WSCD2: variants seen among roughly 807,000 people sequenced by gnomAD.
WSCD2 encodes sialate:O-sulfotransferase 2.
A neutral mutation model predicts 55.7 loss-of-function variants in WSCD2; 28 were observed. The ratio of observed to expected loss-of-function variants is 0.50; its 90% CI spans 0.37 to 0.69. The LOEUF is 0.69. WSCD2 is among the 30% of genes least tolerant of loss of function. WSCD2 has a pLI of 0.00. For synonymous variants in WSCD2, 301 were observed against 301.9 expected (o/e 1.00, Z 0.03); for missense variants, 616 against 762.1 (o/e 0.81, Z 2.26).
chr12:108,239,661 T>A (rs1482039282), intron 7 of WSCD2, among the ~76,000 whole-genome samples: 1 of 152,178 alleles, frequency 6.6e-6, no homozygotes, highest in African/African-American at 2.4e-5. Context: ...CAAAGAGCAA[T>A]CACCCAGTAT....
chr12:108,198,480 T>C (rs1221383278), intron 2 of WSCD2, among the ~76,000 whole-genome samples: 2 of 152,316 alleles, frequency 1.3e-5, no homozygotes, highest in Middle Eastern at 3.4e-3. Flanking sequence ...CAATTGTGTA[T>C]GTTTGTCCAT....
chr12:108,244,170 C>T (rs958112712), intron 8 of WSCD2, among the ~76,000 whole-genome samples: 4 of 152,294 alleles, frequency 2.6e-5, no homozygotes, highest in African/African-American at 4.8e-5. Flanking sequence ...ATGACAGTTC[C>T]GGTGGAACCA....
At chr12:108,222,671 T>A (rs1195473951) in intron 4 of WSCD2, among the ~76,000 whole-genome samples, 1 of 152,218 alleles carries the variant, frequency 6.6e-6, no homozygotes, top group Non-Finnish European at 1.5e-5. Context: ...AAAATTTTTT[T>A]TAATAGAGAT....
At chr12:108,215,267 G>T (rs915059868) in intron 4 of WSCD2, among the ~76,000 whole-genome samples, 2 of 152,128 alleles carry the variant, frequency 1.3e-5, no homozygotes, top group Non-Finnish European at 2.9e-5. Context: ...GCAGGTTTTG[G>T]AATCAGGCAT....
intron 4 of WSCD2, among the ~76,000 whole-genome samples, chr12:108,213,709 GC>G (rs1886498128): frequency 6.6e-6 from 1 of 152,202 alleles, no homozygotes; most frequent in Non-Finnish European, 1.5e-5. Flanking sequence ...GGTGCCTATT[GC>G]AGGAAATGAC....
rs565107240 is a variant in WSCD2, at chr12:108,202,372, C to T, written c.383-3917C>T. On this transcript the variant is annotated intron_variant, in intron 2 of 8. Coordinates refer to ENST00000547525, the MANE Select transcript of WSCD2 (RefSeq NM_014653.4). ...TTAATAAAGGACCATGTATCTTCCT[C>T]TCCCTCCTGTTGACAGATAAGGAAA... Among the ~76,000 whole-genome samples the T allele has an allele frequency of 2.0e-5, 3 of 152,304 alleles. No individual in the cohort carries two copies. The South Asian group carries it at 6.2e-4, about 32-fold the overall frequency.
chr12:108,217,988 A>G (rs1380284196), intron 4 of WSCD2, among the ~76,000 whole-genome samples: 2 of 152,176 alleles, frequency 1.3e-5, no homozygotes, highest in Non-Finnish European at 2.9e-5. Context: ...GGCTGGAAGA[A>G]ATCACATGGA....
At chr12:108,190,098 G>A (rs140852794) in intron 1 of WSCD2, among the ~76,000 whole-genome samples, 1,843 of 152,224 alleles carry the variant, frequency 0.012, 34 homozygotes, top group African/African-American at 0.041. Flanking sequence ...CTCTATAGAT[G>A]GGGAAACTGA....
chr12:108,218,712 C>T (rs1040886696), intron 4 of WSCD2, among the ~76,000 whole-genome samples: 27 of 152,208 alleles, frequency 1.8e-4, no homozygotes, highest in African/African-American at 6.3e-4. Flanking sequence ...CCACCCTGGG[C>T]TTGCTTCAGC....
chr12:108,201,208 G>T (rs578037087), intron 2 of WSCD2, among the ~76,000 whole-genome samples: 1 of 152,110 alleles, frequency 6.6e-6, no homozygotes, highest in African/African-American at 2.4e-5. Context: ...ACTCTCAAAG[G>T]CTCAAAGGGA....
intron 1 of WSCD2, among the ~76,000 whole-genome samples, chr12:108,173,181 C>T (rs1394077469): frequency 1.3e-5 from 2 of 152,182 alleles, no homozygotes; most frequent in African/African-American, 4.8e-5. Context: ...ACCCTTGCTG[C>T]TGCTTCACTA....
intron 2 of WSCD2, among the ~76,000 whole-genome samples, chr12:108,205,444 T>C (rs926882298): frequency 8.5e-5 from 13 of 152,202 alleles, no homozygotes; most frequent in African/African-American, 3.1e-4. Flanking sequence ...CATTATAAAC[T>C]GTGAAGTGCT....
chr12:108,226,822 C>A (rs755893540), intron 5 of WSCD2, among the ~76,000 whole-genome samples, 168 bp from the exon 6 acceptor site: 2 of 152,180 alleles, frequency 1.3e-5, no homozygotes, highest in Non-Finnish European at 2.9e-5. Flanking sequence ...ACAGGTAGGG[C>A]AAAATCACAA....
At chr12:108,220,834 T>C (rs1207608997) in intron 4 of WSCD2, among the ~76,000 whole-genome samples, 1 of 152,168 alleles carries the variant, frequency 6.6e-6, no homozygotes, top group Non-Finnish European at 1.5e-5. Flanking sequence ...CACTGCACCC[T>C]GCCAACATTA....
chr12:108,190,718 C>T (rs1416938448), intron 1 of WSCD2, among the ~76,000 whole-genome samples: 2 of 152,188 alleles, frequency 1.3e-5, no homozygotes, highest in Non-Finnish European at 2.9e-5. Context: ...ACATGAACTG[C>T]AGTAACCAAA....
At chr12:108,224,954 A>C in intron 5 of WSCD2, 94 bp downstream of exon 5, 21 of 1,525,990 alleles carry the variant, frequency 1.4e-5, no homozygotes, top group African/African-American at 2.8e-5. Flanking sequence ...GCAACAGCTC[A>C]GTCGGGATAG....
rs576454185 is a variant in WSCD2, at chr12:108,196,379, A to G, written c.382+165A>G. The G allele has an allele frequency of 1.6e-5, 19 of 1,167,982 alleles. No homozygotes were observed. In the South Asian group the frequency reaches 2.8e-4, roughly 17 times the overall value. The allele number at this position is 1,167,982 out of a possible 1,614,324, so 72.4% of individuals were successfully genotyped here. On this transcript the variant is annotated intron_variant, in intron 2 of 8. Transcript: ENST00000547525. ...TATCATCCCCATTGCACAGAGGAGA[A>G]AATTGAAGCTCAGAGAGATGAAGCG...
intron 1 of WSCD2, among the ~76,000 whole-genome samples, chr12:108,187,053 C>T (rs1882593179): frequency 6.6e-6 from 1 of 152,194 alleles, no homozygotes; most frequent in Admixed American, 6.5e-5. Flanking sequence ...CCTGAGGCTA[C>T]AGGTCCATAG....
Position 108,240,433 on chromosome 12 carries a change from G to A in WSCD2, c.1234G>A (p.Asp412Asn), listed in dbSNP as rs1429727444. 1.2e-6 allele frequency: 2 copies of A among 1,614,016 alleles called. No individual in the cohort carries two copies. The highest frequency in any genetic ancestry group is 1.3e-5 in the African/African-American group (1 of 74,940). Residue 412 changes from aspartate to asparagine, a missense_variant, in exon 8 of 9, where the codon GAC becomes AAC. Physicochemically the swap from Asp to Asn is conservative, Grantham distance 23 (BLOSUM62 1). Transcript: ENST00000547525. ...CGGCCAGAAAGAGATCGAGGCCTTC[G>A]ACGCCGCCATCCTGCTCATCCGCAA... The part of the protein sequence containing the change: ...ESGQKEIEAF[D>N]AAILLIRNPY...
Sources: gnomAD v4.1 joint callset for allele counts (sites outside exome capture counted in the v4.1 genomes callset) on GRCh38, gnomAD v4.1.1 for gene constraint, MANE v1.5 for transcripts, NCBI Gene and HGNC (gene_info 2026-07-23, HGNC 2026-07-21) for gene names.